The following ARFIP1 variants were observed in gnomAD, a reference collection of about 807,000 sequenced individuals.
ARFIP1 encodes the protein arfaptin-1.
In ARFIP1, 24 loss-of-function variants were observed where a neutral mutation model predicts 42.5. The ratio of observed to expected loss-of-function variants is 0.57; its 90% CI spans 0.41 to 0.80. ARFIP1 has a LOEUF of 0.80. ARFIP1 is among the 30% of genes least tolerant of loss of function. The pLI is 0.00. For missense variants in ARFIP1, 354 were observed against 434.0 expected, an observed-to-expected ratio of 0.82 and a Z score of 1.64; for synonymous variants, 141 against 153.7, an observed-to-expected ratio of 0.92 and a Z score of 0.61.
At chr4:152,787,770 A>G (rs1378300466) in intron 1 of ARFIP1, among the ~76,000 whole-genome samples, 5 of 152,258 alleles carry the variant, frequency 3.3e-5, no homozygotes, top group Non-Finnish European at 7.3e-5. Context: ...TTGTGTTTAC[A>G]CTTGGGTCCC....
At chr4:152,893,048 A>C (rs1320812258) in intron 8 of ARFIP1, among the ~76,000 whole-genome samples, 5 of 152,362 alleles carry the variant, frequency 3.3e-5, no homozygotes, top group African/African-American at 1.2e-4. Context: ...TTTAGTAAAG[A>C]GAAAGAATAA....
chr4:152,810,380 C>G (rs967095236), intron 1 of ARFIP1: 3 of 152,048 alleles, frequency 2.0e-5, no homozygotes, highest in Non-Finnish European at 4.4e-5. Flanking sequence ...AAAAGTAATA[C>G]CTCCTCAAAC....
At chr4:152,829,895 G>A (rs1456134299) in intron 2 of ARFIP1, among the ~76,000 whole-genome samples, 169 bp downstream of exon 2, 1 of 152,066 alleles carries the variant, frequency 6.6e-6, no homozygotes, top group Non-Finnish European at 1.5e-5. Flanking sequence ...TTAGTAGTTT[G>A]TCAAGATTAA....
chr4:152,858,901 C>G (rs1025477100), intron 2 of ARFIP1, among the ~76,000 whole-genome samples: 1 of 152,254 alleles, frequency 6.6e-6, no homozygotes, highest in Non-Finnish European at 1.5e-5. Context: ...TTTAAAGGAG[C>G]AAGCGCTGTA....
At chr4:152,895,640 A>G (rs562254818) in intron 8 of ARFIP1, among the ~76,000 whole-genome samples, 14 of 139,804 alleles carry the variant, frequency 1.0e-4, no homozygotes, top group African/African-American at 3.8e-4. Context: ...GGCTCACTGC[A>G]GCCTCTACCT....
At chr4:152,826,643 A>G (rs1240319618) in intron 1 of ARFIP1, among the ~76,000 whole-genome samples, 3 of 152,216 alleles carry the variant, frequency 2.0e-5, no homozygotes, top group Non-Finnish European at 4.4e-5. Context: ...TTTATTTAAA[A>G]AATAGAATTA....
intron 1 of ARFIP1, among the ~76,000 whole-genome samples, chr4:152,827,279 G>A (rs903180992): frequency 2.0e-5 from 3 of 152,154 alleles, no homozygotes; most frequent in Admixed American, 6.5e-5. Context: ...TTATTTTCAA[G>A]AGCAGTTTTC....
chr4:152,888,112 C>T (rs1415328968), intron 7 of ARFIP1, 21 bp from the exon 8 acceptor site: 1 of 1,578,060 alleles, frequency 6.3e-7, no homozygotes, highest in Non-Finnish European at 8.6e-7. Flanking sequence ...TAGTATGCTT[C>T]ACTTACTCTC....
intron 7 of ARFIP1, among the ~76,000 whole-genome samples, chr4:152,884,117 T>A (rs1736079535): frequency 6.6e-6 from 1 of 152,024 alleles, no homozygotes; most frequent in Admixed American, 6.6e-5. Flanking sequence ...TTCTGTCCCA[T>A]ACCATGTTTA....
chr4:152,791,526 GCT>G (rs1369391746), intron 1 of ARFIP1, among the ~76,000 whole-genome samples: 2 of 152,202 alleles, frequency 1.3e-5, no homozygotes, highest in East Asian at 3.9e-4. Context: ...CTTGGTATAA[GCT>G]CTGTTTTCTG....
chr4:152,901,917 T>C (rs181341501), intron 8 of ARFIP1, among the ~76,000 whole-genome samples: 33 of 152,330 alleles, frequency 2.2e-4, no homozygotes, highest in Admixed American at 2.0e-3. Flanking sequence ...AGAGACAAAA[T>C]TGGGAACAAG....
At chr4:152,909,680 A>G (rs1330975160) in intron 8 of ARFIP1, among the ~76,000 whole-genome samples, 1 of 152,218 alleles carries the variant, frequency 6.6e-6, no homozygotes, top group East Asian at 1.9e-4. Flanking sequence ...AATGATGTCC[A>G]TATTTACTAT....
chr4:152,877,351 A>C (rs1578990618), intron 5 of ARFIP1, among the ~76,000 whole-genome samples: 2 of 152,186 alleles, frequency 1.3e-5, no homozygotes, highest in African/African-American at 4.8e-5. Context: ...GAGCTTTAAA[A>C]TTTGACTGCC....
intron 1 of ARFIP1, among the ~76,000 whole-genome samples, chr4:152,824,833 TGAATA>T (rs1460302163): frequency 1.3e-5 from 2 of 152,062 alleles, no homozygotes; most frequent in Non-Finnish European, 2.9e-5. Flanking sequence ...ATAAATGAAT[TGAATA>T]AAGTCTCAGT....
At chr4:152,787,244 A>G (rs1188834561) in intron 1 of ARFIP1, among the ~76,000 whole-genome samples, 4 of 152,198 alleles carry the variant, frequency 2.6e-5, no homozygotes, top group Admixed American at 6.5e-5. Flanking sequence ...GAATTTTTAT[A>G]AAAATAGTGT....
chr4:152,851,593 A>G (rs1190065067), intron 2 of ARFIP1, among the ~76,000 whole-genome samples: 5 of 152,218 alleles, frequency 3.3e-5, no homozygotes, highest in Admixed American at 2.6e-4. Flanking sequence ...ACTAAATGCT[A>G]TAAAAATGGG....
chr4:152,909,278 G>A (rs1738644158), intron 8 of ARFIP1, among the ~76,000 whole-genome samples: 1 of 152,060 alleles, frequency 6.6e-6, no homozygotes, highest in African/African-American at 2.4e-5. Context: ...CCAGCTACTC[G>A]GGAGGCCAAG....
intron 8 of ARFIP1, among the ~76,000 whole-genome samples, chr4:152,901,244 G>GT (rs1184495218): frequency 6.6e-6 from 1 of 152,110 alleles, no homozygotes; most frequent in African/African-American, 2.4e-5. Context: ...CTTATCATTA[G>GT]TTTTTTCAGT....
At chr4:152,879,161 T>G (rs1301085603) in intron 5 of ARFIP1, among the ~76,000 whole-genome samples, 1 of 151,944 alleles carries the variant, frequency 6.6e-6, no homozygotes, top group Non-Finnish European at 1.5e-5. Context: ...TTCTCTACTT[T>G]TAAAAAATAA....
Sources: allele counts gnomAD v4.1 joint callset (sites outside exome capture counted in the v4.1 genomes callset), GRCh38; gene constraint gnomAD v4.1.1; transcripts MANE v1.5; gene names NCBI Gene and HGNC (gene_info 2026-07-23, HGNC 2026-07-21).